CRACR2A: variants seen among roughly 807,000 people sequenced by gnomAD.
CRACR2A encodes the protein EF-hand calcium-binding domain-containing protein 4B.
A neutral mutation model predicts 90.5 loss-of-function variants in CRACR2A; 79 were observed. The ratio of observed to expected loss-of-function variants is 0.87; its 90% CI spans 0.73 to 1.05. The LOEUF (loss-of-function observed/expected upper bound fraction) is 1.05, where lower values mean the gene tolerates loss of function less well. CRACR2A is among the 50% of genes least tolerant of loss of function. The probability of loss-of-function intolerance (pLI) is 0.00; values close to 1 mark genes in which losing one functional copy is unlikely to be tolerated. For missense variants in CRACR2A, 823 were observed against 897.2 expected, an observed-to-expected ratio of 0.92 and a Z score of 1.06; for synonymous variants, 338 against 356.7, an observed-to-expected ratio of 0.95 and a Z score of 0.59.
chr12:3,628,945 T>C (rs899851311), intron 15 of CRACR2A, among the ~76,000 whole-genome samples: 5 of 151,984 alleles, frequency 3.3e-5, no homozygotes, highest in Non-Finnish European at 7.4e-5. Context: ...ACTTCCAGAG[T>C]GTCAGGGGCA....
At chr12:3,695,579 C>T (rs887309336) in intron 4 of CRACR2A, among the ~76,000 whole-genome samples, 5 of 152,248 alleles carry the variant, frequency 3.3e-5, no homozygotes, top group African/African-American at 1.2e-4. Context: ...ACAGCCTCCA[C>T]ACCTCGGAGC....
chr12:3,664,327 G>A (rs1271371297), intron 7 of CRACR2A, among the ~76,000 whole-genome samples: 7 of 152,126 alleles, frequency 4.6e-5, no homozygotes, highest in Non-Finnish European at 8.8e-5. Flanking sequence ...TTCTATATTC[G>A]TCTCTAAAGT....
intron 19 of CRACR2A, 132 bp from the exon 20 acceptor site, chr12:3,615,571 CAG>C (rs1486568586): frequency 3.0e-6 from 2 of 667,858 alleles, no homozygotes; most frequent in African/African-American, 3.6e-5. Context: ...ACCACGGCAT[CAG>C]AGAGAGTCCT....
At position 3,680,396 on chromosome 12, in the gene CRACR2A, G is replaced by C. The variant is rs61537702; in HGVS notation, c.229-47C>G. On this transcript the variant is annotated intron_variant, in intron 4 of 19. Transcript: ENST00000440314. ...CTGGTTAACACTGACACTCACTGGT[G>C]GGGGAGGTGACCTGGGACTGCAGAG... is the stretch of plus-strand genomic sequence containing the variant. 202,654 of 1,538,678 alleles carry C rather than the reference G, an allele frequency of 0.13. 14,715 individuals carry two copies. The highest frequency in any genetic ancestry group is 0.27 in the Admixed American group (16,154 of 59,162).
In CRACR2A at chr12:3,656,363, T is replaced by G. The variant is rs766360735; in HGVS notation, c.806A>C (p.Lys269Thr). 2 of 1,614,158 alleles carry G rather than the reference T, an allele frequency of 1.2e-6. No homozygotes were observed. Among genetic ancestry groups the G allele is most frequent in the Non-Finnish European group, 1.7e-6 (2 of 1,180,026 alleles). ...FQARSQELEQ[K>T]LLCKEQELEQ... ...CAGCTCCTGCTCCTTACATAACAGT[T>G]TCTGCTCCAGCTCTTGACTGCGGGC... The change falls in exon 9 of 20, where the codon AAA (lysine) becomes ACA (threonine). Residue 269 changes from lysine to threonine, a missense_variant. By Grantham distance (78) the Lys-to-Thr change is moderately conservative. Transcript: ENST00000440314.
At chr12:3,680,485 A>T (rs1945427820) in intron 4 of CRACR2A, 136 bp from the exon 5 acceptor site, 4 of 652,782 alleles carry the variant, frequency 6.1e-6, no homozygotes, top group Non-Finnish European at 1.1e-5. Flanking sequence ...AAGCTTCTGC[A>T]TCCAGACTGC....
intron 4 of CRACR2A, among the ~76,000 whole-genome samples, chr12:3,694,321 T>C (rs2137688619): frequency 6.6e-6 from 1 of 152,340 alleles, no homozygotes; most frequent in Middle Eastern, 3.4e-3. Context: ...CTCCTCAGCC[T>C]CCTGTGTTCT....
chr12:3,713,319 T>C lies in CRACR2A; in HGVS notation c.-117-2A>G, dbSNP rs1946034391. On this transcript the variant is annotated splice_acceptor_variant, in intron 2 of 19. Coordinates refer to ENST00000440314, the MANE Select transcript of CRACR2A (RefSeq NM_001144958.2). LOFTEE classifies it low-confidence loss of function (5UTR_SPLICE). ...GGCCACTGGTGACTTGAATTCCACC[T>C]AGGAAACACACAAGAGATGAATCAC... is the stretch of plus-strand genomic sequence containing the variant. The C allele has an allele frequency of 2.0e-6, 2 of 984,724 alleles. No homozygotes were observed. Among genetic ancestry groups the C allele is most frequent in the Non-Finnish European group, 2.4e-6 (2 of 829,546 alleles). 61.0% of individuals were successfully genotyped at this position (984,724 alleles called of 1,614,324 possible). A position where few individuals can be genotyped will look rare whatever the true frequency, so the allele number is the denominator to read the frequency against.
chr12:3,683,573 G>T lies in CRACR2A; in HGVS notation c.229-3224C>A, dbSNP rs952582625. ...GCGTCACTTCCTCCGTAAGGCCTTT[G>T]CACCTCCCCAGGTTAGGTCAGGTTA... On this transcript the variant is annotated intron_variant, in intron 4 of 19. Transcript: ENST00000440314. Among the ~76,000 whole-genome samples the T allele has an allele frequency of 3.9e-5, 6 of 152,132 alleles. No homozygotes were observed. The East Asian group carries it at 1.2e-3, about 29-fold the overall frequency.
At chr12:3,651,475 AC>A (rs1272048570) in intron 10 of CRACR2A, among the ~76,000 whole-genome samples, 1 of 152,116 alleles carries the variant, frequency 6.6e-6, no homozygotes, top group Non-Finnish European at 1.5e-5. Flanking sequence ...ATAATTACTT[AC>A]TCAAAATAAA....
intron 4 of CRACR2A, among the ~76,000 whole-genome samples, chr12:3,686,603 A>G (rs1471561945): frequency 6.6e-6 from 1 of 152,014 alleles, no homozygotes; most frequent in Non-Finnish European, 1.5e-5. Flanking sequence ...CAGCTGATGG[A>G]GTCTCTTCAT....
intron 4 of CRACR2A, among the ~76,000 whole-genome samples, chr12:3,683,965 C>A (rs1565488622): frequency 4.6e-5 from 7 of 152,184 alleles, no homozygotes; most frequent in Admixed American, 3.3e-4. Context: ...GAACATGAGG[C>A]ATCTACAGCA....
intron 5 of CRACR2A, 52 bp downstream of exon 5, chr12:3,680,186 A>C: frequency 1.4e-6 from 2 of 1,446,328 alleles, no homozygotes; most frequent in Non-Finnish European, 1.9e-6. Flanking sequence ...CACCTTATAC[A>C]GTGTTAGGTA....
At chr12:3,738,534 G>C (rs1946480748) in intron 1 of CRACR2A, among the ~76,000 whole-genome samples, 1 of 152,126 alleles carries the variant, frequency 6.6e-6, no homozygotes, top group African/African-American at 2.4e-5. Context: ...ATTAAATACA[G>C]TTTGAGAAAC....
intron 4 of CRACR2A, among the ~76,000 whole-genome samples, chr12:3,695,464 C>T (rs1472371264): frequency 6.6e-6 from 1 of 152,054 alleles, no homozygotes; most frequent in African/African-American, 2.4e-5. Flanking sequence ...TCAATTTGTG[C>T]AACAGTTAGA....
chr12:3,616,839 T>C (rs1458700624), intron 19 of CRACR2A, 115 bp downstream of exon 19: 5 of 790,160 alleles, frequency 6.3e-6, no homozygotes, highest in African/African-American at 5.2e-5. Context: ...CTCTGGCCAA[T>C]AGGGAGGAAG....
rs555571683 is a variant in CRACR2A, at chr12:3,627,033, G to A, written c.1932+403C>T. Reference sequence around the variant, plus strand: ...GAGCTGGAAAGACTCAGGGGATGGGGAGAGACGCTGGTGAGAATGAGGGAA... The same window carrying A: ...GAGCTGGAAAGACTCAGGGGATGGGAAGAGACGCTGGTGAGAATGAGGGAA... On this transcript the variant is annotated intron_variant, in intron 17 of 19. Coordinates refer to ENST00000440314, the MANE Select transcript of CRACR2A (RefSeq NM_001144958.2). Among the ~76,000 whole-genome samples, 7 of 152,264 alleles carry A rather than the reference G, an allele frequency of 4.6e-5. No homozygotes were observed. In the South Asian group the frequency reaches 1.2e-3, roughly 27 times the overall value.
chr12:3,640,729 C>CT (rs1565469355), intron 13 of CRACR2A: 1 of 1,305,370 alleles, frequency 7.7e-7, no homozygotes, highest in Non-Finnish European at 1.0e-6. Context: ...TTCAAGGTCT[C>CT]TCTGGGTCTG....
chr12:3,644,231 G>A (rs1225892847), intron 12 of CRACR2A, among the ~76,000 whole-genome samples: 3 of 151,598 alleles, frequency 2.0e-5, no homozygotes, highest in Admixed American at 1.3e-4. Flanking sequence ...AATTTTCATC[G>A]AGATAAAAAT....
Sources: gnomAD v4.1 joint callset for allele counts (sites outside exome capture counted in the v4.1 genomes callset) on GRCh38, gnomAD v4.1.1 for gene constraint, MANE v1.5 for transcripts, NCBI Gene and HGNC (gene_info 2026-07-23, HGNC 2026-07-21) for gene names.